Variants in STRBP observed in about 807,000 individuals in gnomAD.
The protein encoded by STRBP is spermatid perinuclear RNA-binding protein.
STRBP carries 13 observed loss-of-function variants against 80.1 expected under a neutral mutation model. That is an observed-to-expected ratio of 0.16 (90% CI 0.11 to 0.26). The LOEUF (loss-of-function observed/expected upper bound fraction) is 0.26, where lower values mean the gene tolerates loss of function less well. Ranked by LOEUF, STRBP falls within the 10% of genes least tolerant of loss-of-function variation. The pLI, the probability that STRBP is intolerant of heterozygous loss-of-function variation, is 1.00. For missense variants in STRBP, 485 were observed against 815.2 expected, an observed-to-expected ratio of 0.59 and a Z score of 4.93; for synonymous variants, 284 against 291.2, an observed-to-expected ratio of 0.98 and a Z score of 0.25.
rs148825566 is a variant in STRBP at position 123,169,636 on chromosome 9, A to AT, written c.535+265dup. On this transcript the variant is annotated intron_variant, in intron 6 of 18. Coordinates refer to ENST00000348403, the MANE Select transcript of STRBP (RefSeq NM_018387.5). ...AAAGTAAAACAGAACAGCAAATGGT[A>AT]TAAAAATTAAAGCAGAGTTAAAACC... Among the ~76,000 whole-genome samples, 76 of 152,362 alleles carry AT rather than the reference A, an allele frequency of 5.0e-4. No homozygotes were observed. The East Asian group carries it at 0.011, about 22-fold the overall frequency.
In STRBP at chr9:123,179,183, C is replaced by A; in HGVS notation, c.48G>T (p.Val16=). ...GAGATGGATAGATTGTTGAATGTTT[C>A]ACCATAACATGGCGATCATCATTAG... ...SFANDDRHVM[V]KHSTIYPSPE... is the part of the protein sequence containing the mutation. The change falls in exon 4 of 19, where the codon GTG becomes GTT. Residue 16 remains valine, a synonymous_variant. Coordinates refer to ENST00000348403, the MANE Select transcript of STRBP (RefSeq NM_018387.5). 6.2e-7 allele frequency: 1 copy of A among 1,611,700 alleles called. No individual in the cohort carries two copies. Among genetic ancestry groups the A allele is most frequent in the South Asian group, 1.1e-5 (1 of 91,048 alleles).
At chr9:123,198,373 G>A (rs1266428717) in intron 2 of STRBP, among the ~76,000 whole-genome samples, 1 of 151,754 alleles carries the variant, frequency 6.6e-6, no homozygotes, top group Non-Finnish European at 1.5e-5. Flanking sequence ...CCTGACATCA[G>A]GTGATCCACC....
At chr9:123,210,224 A>T (rs1438124758) in intron 2 of STRBP, among the ~76,000 whole-genome samples, 2 of 152,220 alleles carry the variant, frequency 1.3e-5, no homozygotes, top group African/African-American at 4.8e-5. Flanking sequence ...GAAAAACAAA[A>T]GTCAATTATT....
At chr9:123,250,331 T>C (rs1175499720) in intron 1 of STRBP, among the ~76,000 whole-genome samples, 1 of 152,232 alleles carries the variant, frequency 6.6e-6, no homozygotes, top group Non-Finnish European at 1.5e-5. Context: ...AAAACAATGC[T>C]AGTCTTCTCA....
At chr9:123,143,296 G>A (rs867238239) in intron 13 of STRBP, among the ~76,000 whole-genome samples, 2 of 152,246 alleles carry the variant, frequency 1.3e-5, no homozygotes, top group Admixed American at 1.3e-4. Context: ...GTGGGGGGCT[G>A]CCAGGATAGA....
At chr9:123,260,447 A>G (rs2041136525) in intron 1 of STRBP, among the ~76,000 whole-genome samples, 1 of 152,214 alleles carries the variant, frequency 6.6e-6, no homozygotes. Flanking sequence ...TTAAGCACAA[A>G]ATAACTTCAT....
intron 17 of STRBP, among the ~76,000 whole-genome samples, chr9:123,131,569 C>T (rs1046501405): frequency 6.6e-6 from 1 of 152,218 alleles, no homozygotes; most frequent in Admixed American, 6.5e-5. Context: ...AAGCCCAATT[C>T]AAATGTCCCT....
chr9:123,124,558 T>TG lies in STRBP; in HGVS notation c.*1038dup, dbSNP rs1191346831. 2.0e-6 allele frequency: 2 copies of TG among 985,320 alleles called. No individual in the cohort carries two copies. The highest frequency in any genetic ancestry group is 2.4e-6 in the Non-Finnish European group (2 of 829,948). The allele number at this position is 985,320 out of a possible 1,614,324, so 61.0% of individuals were successfully genotyped here. A position where few individuals can be genotyped will look rare whatever the true frequency, so the allele number is the denominator to read the frequency against. ...GAAGAGCAAGTTTTTATGGGGACCC[T>TG]GTTGCTGCTTTAGATTCTGATGTAA... On this transcript the variant is annotated 3_prime_UTR_variant, in exon 19 of 19. Coordinates refer to ENST00000348403, the MANE Select transcript of STRBP (RefSeq NM_018387.5).
intron 11 of STRBP, among the ~76,000 whole-genome samples, chr9:123,153,940 G>A (rs1436379255): frequency 6.6e-6 from 1 of 152,186 alleles, no homozygotes; most frequent in Non-Finnish European, 1.5e-5. Context: ...GACAGCTGAG[G>A]AGATGGCAAC....
chr9:123,246,215 T>C (rs902998993), intron 1 of STRBP, among the ~76,000 whole-genome samples: 1 of 152,298 alleles, frequency 6.6e-6, no homozygotes, highest in Non-Finnish European at 1.5e-5. Flanking sequence ...GTACAGAACA[T>C]GAAACATTTC....
downstream of STRBP, among the ~76,000 whole-genome samples, chr9:123,119,139 A>C (rs1258383754): frequency 6.6e-6 from 1 of 152,200 alleles, no homozygotes; most frequent in Non-Finnish European, 1.5e-5. Flanking sequence ...AGTGCTTTTC[A>C]CTGAAGCATC....
At chr9:123,209,103 T>C (rs939580568) in intron 2 of STRBP, among the ~76,000 whole-genome samples, 2 of 152,178 alleles carry the variant, frequency 1.3e-5, no homozygotes, top group African/African-American at 4.8e-5. Context: ...CCTGAAAATC[T>C]TCCCACATAT....
intron 11 of STRBP, among the ~76,000 whole-genome samples, chr9:123,152,714 G>A (rs2037110443): frequency 6.6e-6 from 1 of 152,062 alleles, no homozygotes. Context: ...TGGTTTCCCG[G>A]GATTAGGGAT....
intron 1 of STRBP, among the ~76,000 whole-genome samples, chr9:123,264,615 C>G (rs914811525): frequency 9.2e-5 from 14 of 152,308 alleles, no homozygotes; most frequent in Non-Finnish European, 1.6e-4. Flanking sequence ...TGGATAGAGT[C>G]AGATTTCTAG....
chr9:123,140,521 G>A (rs747267655), intron 13 of STRBP, among the ~76,000 whole-genome samples: 1 of 152,132 alleles, frequency 6.6e-6, no homozygotes, highest in Non-Finnish European at 1.5e-5. Flanking sequence ...TTGAACCTGG[G>A]AGGCGGAGGT....
At chr9:123,220,286 G>A (rs1320146859) in intron 2 of STRBP, among the ~76,000 whole-genome samples, 1 of 152,184 alleles carries the variant, frequency 6.6e-6, no homozygotes, top group Non-Finnish European at 1.5e-5. Flanking sequence ...ATCATAAAGT[G>A]TACTTACACA....
intron 3 of STRBP, among the ~76,000 whole-genome samples, 153 bp downstream of exon 3, chr9:123,183,979 T>C (rs535024870): frequency 6.6e-6 from 1 of 152,358 alleles, no homozygotes; most frequent in Admixed American, 6.5e-5. Context: ...CTGAATTCAT[T>C]CGCTTTGAAT....
chr9:123,220,563 C>G (rs1199310127), intron 2 of STRBP, among the ~76,000 whole-genome samples: 1 of 152,128 alleles, frequency 6.6e-6, no homozygotes, highest in East Asian at 1.9e-4. Context: ...ATAATGTAAA[C>G]AACTAAAATG....
intron 2 of STRBP, among the ~76,000 whole-genome samples, chr9:123,226,317 T>A (rs919099394): frequency 1.1e-4 from 16 of 152,174 alleles, no homozygotes; most frequent in Admixed American, 7.2e-4. Flanking sequence ...TCTGTCAAAA[T>A]TCATAGAACC....
Sources: gnomAD v4.1 joint callset for allele counts (sites outside exome capture counted in the v4.1 genomes callset) on GRCh38, gnomAD v4.1.1 for gene constraint, MANE v1.5 for transcripts, NCBI Gene and HGNC (gene_info 2026-07-23, HGNC 2026-07-21) for gene names.